The following PSMD1 variants were observed in gnomAD, a reference collection of about 807,000 sequenced individuals.
PSMD1 encodes 26S proteasome non-ATPase regulatory subunit 1.
PSMD1 carries 18 observed loss-of-function variants against 119.0 expected under a neutral mutation model. The ratio of observed to expected loss-of-function variants is 0.15; its 90% CI spans 0.10 to 0.22. PSMD1 has a LOEUF of 0.22. Ranked by LOEUF, PSMD1 falls within the 10% of genes least tolerant of loss-of-function variation. PSMD1 has a pLI of 1.00. For synonymous variants in PSMD1, 374 were observed against 396.6 expected, an observed-to-expected ratio of 0.94 and a Z score of 0.68; for missense variants, 702 against 1,158.5, an observed-to-expected ratio of 0.61 and a Z score of 5.72.
chr2:231,069,989 C>A, intron 5 of PSMD1, 36 bp from the exon 6 acceptor site: 1 of 1,321,872 alleles, frequency 7.6e-7, no homozygotes, highest in Non-Finnish European at 9.9e-7. Flanking sequence ...GCTGCAATAA[C>A]CAGATAACGT....
intron 16 of PSMD1, among the ~76,000 whole-genome samples, chr2:231,089,594 G>GATATATATAT (rs140932102): frequency 2.8e-5 from 4 of 143,124 alleles, no homozygotes; most frequent in African/African-American, 1.1e-4. Context: ...GAATTAATAG[G>GATATATATAT]ATATATATAT....
chr2:231,136,575 A>G (rs1054630192), intron 16 of PSMD1, among the ~76,000 whole-genome samples: 7 of 152,338 alleles, frequency 4.6e-5, no homozygotes, highest in Non-Finnish European at 8.8e-5. Context: ...CATTCCATTT[A>G]TCTGCAAAAT....
At chr2:231,112,304 A>G (rs1695180492) in intron 16 of PSMD1, among the ~76,000 whole-genome samples, 1 of 152,160 alleles carries the variant, frequency 6.6e-6, no homozygotes, top group Non-Finnish European at 1.5e-5. Flanking sequence ...CCCTTTCTGT[A>G]GCTGCTTTTG....
chr2:231,088,083 G>A (rs1284169539), intron 16 of PSMD1, among the ~76,000 whole-genome samples: 1 of 152,032 alleles, frequency 6.6e-6, no homozygotes, highest in African/African-American at 2.4e-5. Context: ...CAGTTTCCTT[G>A]TCTTTAAAAT....
At chr2:231,107,661 G>A (rs1219473119) in intron 16 of PSMD1, among the ~76,000 whole-genome samples, 5 of 152,178 alleles carry the variant, frequency 3.3e-5, no homozygotes, top group Admixed American at 3.3e-4. Context: ...ATAATATACT[G>A]AAAGGATGAA....
intron 18 of PSMD1, among the ~76,000 whole-genome samples, chr2:231,150,095 C>G (rs907511835): frequency 7.9e-5 from 12 of 152,300 alleles, no homozygotes; most frequent in African/African-American, 2.9e-4. Flanking sequence ...CCTATAATCA[C>G]AGCACTTTGG....
In PSMD1 at chr2:231,062,266, T is replaced by A; in HGVS notation, c.79T>A (p.Leu27Met). ...TTTACAGGAATTTGCACTACACAAA[T>A]TGAATGCAGTTGTTAATGACTTCTG... ...PQLKEFALHKLNAVVNDFWAE... is the reference protein window; with the variant it reads ...PQLKEFALHKMNAVVNDFWAE... Residue 27 changes from leucine (L) to methionine (M), a missense_variant, in exon 3 of 25, where the codon TTG (leucine) becomes ATG (methionine). Around this residue, in one of 9 missense-constraint regions of PSMD1, gnomAD observed 60 missense variants for 118.2 expected, o/e 0.51. Coordinates refer to ENST00000308696, the MANE Select transcript of PSMD1 (RefSeq NM_002807.4). 6.2e-7 allele frequency: 1 copy of A among 1,612,942 alleles called. No individual in the cohort carries two copies. The highest frequency in any genetic ancestry group is 8.5e-7 in the Non-Finnish European group (1 of 1,179,072).
In PSMD1 at chr2:231,146,228, A is replaced by T. The variant is rs779472161; in HGVS notation, c.1999-12A>T. 15 of 1,582,054 alleles carry T rather than the reference A, an allele frequency of 9.5e-6. No individual in the cohort carries two copies. The highest frequency in any genetic ancestry group is 4.5e-5 in the East Asian group (2 of 44,656). On this transcript the variant is annotated splice_polypyrimidine_tract_variant and intron_variant, in intron 17 of 24. Coordinates refer to ENST00000308696, the MANE Select transcript of PSMD1 (RefSeq NM_002807.4). The stretch of plus-strand genomic sequence containing the variant: ...TTATTTAAAAGTTGTGTGTTTTTTT[A>T]AATTCTTTCAGGAAGCCATTAATTT...
At chr2:231,135,519 T>C (rs1695946829) in intron 16 of PSMD1, among the ~76,000 whole-genome samples, 1 of 152,148 alleles carries the variant, frequency 6.6e-6, no homozygotes, top group African/African-American at 2.4e-5. Context: ...GACTTCATGG[T>C]TCCCTCTTAT....
At chr2:231,166,093 A>G in intron 23 of PSMD1, 76 bp downstream of exon 23, 1 of 1,334,954 alleles carries the variant, frequency 7.5e-7, no homozygotes, top group Non-Finnish European at 1.0e-6. Flanking sequence ...TTGATAGAGA[A>G]TGATAAATCT....
At chr2:231,109,490 T>A in intron 16 of PSMD1, 1 of 1,203,388 alleles carries the variant, frequency 8.3e-7, no homozygotes, top group Non-Finnish European at 1.2e-6. Flanking sequence ...ATTGTATCCT[T>A]ATAACTTTAT....
rs191525734 is a variant in PSMD1 at position 231,166,176 on chromosome 2, A to C, written c.2715+159A>C. 5.9e-5 allele frequency among the ~76,000 whole-genome samples: 9 copies of C among 152,346 alleles called. No individual in the cohort carries two copies. The East Asian group carries it at 1.7e-3, about 29-fold the overall frequency. ...AAGAGAGAATGTTCTTTTCCATTTC[A>C]TATAGATTTGGGAGAATTTTTCTTT... On this transcript the variant is annotated intron_variant, in intron 23 of 24. Transcript: ENST00000308696.
intron 16 of PSMD1, among the ~76,000 whole-genome samples, chr2:231,111,318 C>T (rs549056996): frequency 6.6e-6 from 1 of 152,234 alleles, no homozygotes; most frequent in Admixed American, 6.5e-5. Context: ...CTTCTGTTTC[C>T]TGTTATTTTT....
intron 16 of PSMD1, among the ~76,000 whole-genome samples, chr2:231,116,935 A>C (rs1443074487): frequency 3.3e-5 from 5 of 152,082 alleles, no homozygotes; most frequent in Non-Finnish European, 5.9e-5. Context: ...AGATAACTGC[A>C]TTAAATTAAT....
chr2:231,078,055 G>A (rs1191997105), intron 9 of PSMD1, among the ~76,000 whole-genome samples: 1 of 152,208 alleles, frequency 6.6e-6, no homozygotes, highest in Non-Finnish European at 1.5e-5. Flanking sequence ...ATCACCTGAG[G>A]TCAGGAGTTC....
chr2:231,071,334 A>G (rs1694037234), intron 6 of PSMD1, among the ~76,000 whole-genome samples: 1 of 152,020 alleles, frequency 6.6e-6, no homozygotes, highest in South Asian at 2.1e-4. Context: ...AGCAGATAAT[A>G]TGTTCATGTG....
chr2:231,092,492 G>C (rs1357627574), intron 16 of PSMD1, among the ~76,000 whole-genome samples: 1 of 152,150 alleles, frequency 6.6e-6, no homozygotes, highest in African/African-American at 2.4e-5. Context: ...AGGTGTAAAG[G>C]GAGATGCTAA....
chr2:231,114,934 G>A (rs576494369), intron 16 of PSMD1, among the ~76,000 whole-genome samples: 26 of 152,054 alleles, frequency 1.7e-4, no homozygotes, highest in Non-Finnish European at 3.7e-4. Flanking sequence ...CTCCTGTAGA[G>A]AACAGATGTC....
At chr2:231,117,535 A>T (rs959842467) in intron 16 of PSMD1, among the ~76,000 whole-genome samples, 2 of 152,136 alleles carry the variant, frequency 1.3e-5, no homozygotes, top group Non-Finnish European at 2.9e-5. Flanking sequence ...CAAGTCCTAG[A>T]TGGGTCTTGT....
Sources: gnomAD v4.1 joint callset for allele counts (sites outside exome capture counted in the v4.1 genomes callset) on GRCh38, gnomAD v4.1.1 for gene constraint, gnomAD v4.1.1 regional missense constraint, MANE v1.5 for transcripts, NCBI Gene and HGNC (gene_info 2026-07-23, HGNC 2026-07-21) for gene names.